The following CDKL5 variants were observed in gnomAD, a reference collection of about 807,000 sequenced individuals.
CDKL5 encodes cyclin-dependent kinase-like 5.
In CDKL5, 8 loss-of-function variants were observed where a neutral mutation model predicts 61.7. The observed-to-expected ratio is 0.13, with a 90% CI of 0.08 to 0.23. The LOEUF is 0.23. CDKL5 is among the 10% of genes least tolerant of loss of function. CDKL5 has a pLI of 1.00. For missense variants in CDKL5, 440 were observed against 734.5 expected (o/e 0.60, Z 4.63); for synonymous variants, 275 against 272.3 (o/e 1.01, Z -0.10).
At position 18,608,931 on chromosome X, in the gene CDKL5, T is replaced by C; in HGVS notation, c.2046+19T>C. ...GTCTGAGGTATGTCACAATAAAATA[T>C]GCCTGTAAACATTTGTTCAACATCA... On this transcript the variant is annotated intron_variant, in intron 13 of 17. Coordinates refer to ENST00000623535, the MANE Select transcript of CDKL5 (RefSeq NM_001323289.2). 4 of 1,022,777 alleles carry C rather than the reference T, an allele frequency of 3.9e-6. No individual in the cohort carries two copies. The highest frequency in any genetic ancestry group is 4.1e-6 in the Non-Finnish European group (3 of 723,269). The allele number at this position is 1,022,777 out of a possible 1,213,427, so 84.3% of individuals were successfully genotyped here. A position where few individuals can be genotyped will look rare whatever the true frequency, so the allele number is the denominator to read the frequency against.
intron 5 of CDKL5, among the ~76,000 whole-genome samples, chrX:18,577,121 A>T (rs777510845): frequency 2.7e-5 from 3 of 111,750 alleles, no homozygotes; most frequent in African/African-American, 9.7e-5. Flanking sequence ...ACTACCAAAT[A>T]AGAAAATTTT....
intron 1 of CDKL5, among the ~76,000 whole-genome samples, chrX:18,498,777 A>G (rs1364649824): frequency 1.8e-5 from 2 of 111,335 alleles, no homozygotes; most frequent in Non-Finnish European, 3.8e-5. Flanking sequence ...AGTCCTTGTA[A>G]TTTATTTTAT....
chrX:18,556,973 A>T (rs1163636997), intron 3 of CDKL5, among the ~76,000 whole-genome samples: 3 of 109,722 alleles, frequency 2.7e-5, no homozygotes, highest in Non-Finnish European at 5.7e-5. Context: ...CTGTGTTTGT[A>T]GGGTTTTACT....
rs950891747 is a variant in CDKL5, at chrX:18,630,191, G to A, written c.*1434G>A. ...CAAGATTTTCATGCACACCTGTTAC[G>A]CACACAACCCCCATCAGAACAGGAC... On this transcript the variant is annotated 3_prime_UTR_variant, in exon 18 of 18. Coordinates refer to ENST00000623535, the MANE Select transcript of CDKL5 (RefSeq NM_001323289.2). 2.8e-5 allele frequency: 21 copies of A among 750,577 alleles called. No homozygotes were observed. In the South Asian group the frequency reaches 5.5e-4, roughly 20 times the overall value. The allele number at this position is 750,577 out of a possible 1,213,427, so 61.9% of individuals were successfully genotyped here. A position where few individuals can be genotyped will look rare whatever the true frequency, so the allele number is the denominator to read the frequency against.
At chrX:18,557,049 G>A (rs780627340) in intron 3 of CDKL5, among the ~76,000 whole-genome samples, 239 of 111,181 alleles carry the variant, frequency 2.1e-3, no homozygotes, top group African/African-American at 7.2e-3. Flanking sequence ...AAATACTTTA[G>A]TTATGAAGTT....
chrX:18,464,968 A>G (rs1015969551), intron 1 of CDKL5, among the ~76,000 whole-genome samples: 1 of 111,961 alleles, frequency 8.9e-6, no homozygotes, highest in Admixed American at 9.5e-5. Context: ...AGTCCAGTTT[A>G]TCTGTCTTTT....
At chrX:18,648,434 A>AT (rs1010790115) in intron 20 of CDKL5, among the ~76,000 whole-genome samples, 1 of 109,128 alleles carries the variant, frequency 9.2e-6, no homozygotes, top group Non-Finnish European at 1.9e-5. Flanking sequence ...TAGAGACAGG[A>AT]TTTTGCCATG....
At chrX:18,645,264 C>T (rs956432303) in intron 19 of CDKL5, among the ~76,000 whole-genome samples, 1 of 111,566 alleles carries the variant, frequency 9.0e-6, no homozygotes, top group Non-Finnish European at 1.9e-5. Flanking sequence ...AAGCCCTGGG[C>T]CACCTTCTCT....
chrX:18,646,541 A>G (rs1927780460), intron 20 of CDKL5, among the ~76,000 whole-genome samples: 1 of 112,492 alleles, frequency 8.9e-6, no homozygotes, highest in African/African-American at 3.2e-5. Context: ...CAGCATGAAC[A>G]TGTATGCTAA....
intron 21 of CDKL5, among the ~76,000 whole-genome samples, chrX:18,651,964 A>G (rs1928067875): frequency 9.2e-6 from 1 of 108,288 alleles, no homozygotes; most frequent in Non-Finnish European, 1.9e-5. Flanking sequence ...CTGGCCCCCC[A>G]TGCCTCAGCC....
intron 10 of CDKL5, among the ~76,000 whole-genome samples, chrX:18,598,036 C>G (rs1206681607): frequency 9.0e-6 from 1 of 111,501 alleles, no homozygotes; most frequent in Non-Finnish European, 1.9e-5. Flanking sequence ...GCCTAAGAAA[C>G]TGGTAACCTA....
In CDKL5 at chrX:18,484,974, A is replaced by C. The variant is rs1274078305; in HGVS notation, c.-162-21961A>C. On this transcript the variant is annotated intron_variant, in intron 1 of 17. Transcript: ENST00000623535. ...GGGTCTCGCCATGTTGCCCATAATA[A>C]ATAACAACTAAGACCTCATAGTTGT... Among the ~76,000 whole-genome samples the C allele has an allele frequency of 3.6e-5, 4 of 110,883 alleles. No individual in the cohort carries two copies. The Admixed American group carries it at 3.9e-4, about 11-fold the overall frequency.
At chrX:18,517,500 C>T (rs1024742910) in intron 3 of CDKL5, among the ~76,000 whole-genome samples, 3 of 111,558 alleles carry the variant, frequency 2.7e-5, no homozygotes, top group African/African-American at 6.5e-5. Flanking sequence ...AAGAAGAGAA[C>T]ATCTCTTCTG....
intron 3 of CDKL5, among the ~76,000 whole-genome samples, chrX:18,530,853 C>T (rs1453444969): frequency 9.0e-6 from 1 of 111,642 alleles, no homozygotes; most frequent in African/African-American, 3.3e-5. Context: ...GTATAGATGC[C>T]AGAGGCTTCA....
At chrX:18,426,383 C>G (rs1160970291) in intron 1 of CDKL5, 1 of 112,823 alleles carries the variant, frequency 8.9e-6, no homozygotes, top group Non-Finnish European at 1.9e-5. Context: ...GATTTGGAAC[C>G]GTCTCCCAGA....
intron 1 of CDKL5, among the ~76,000 whole-genome samples, chrX:18,479,314 CTTTTTTTTTTTT>C (rs761687087): frequency 6.0e-5 from 4 of 66,556 alleles, no homozygotes; most frequent in African/African-American, 1.8e-4. Flanking sequence ...GCCACTATTT[CTTTTTTTTTTTT>C]TTTTTTTTTT....
intron 3 of CDKL5, among the ~76,000 whole-genome samples, chrX:18,564,040 T>C (rs764830227): frequency 1.8e-5 from 2 of 111,732 alleles, no homozygotes; most frequent in African/African-American, 3.3e-5. Context: ...AAATTAGATA[T>C]GCTTGTTAGC....
At chrX:18,519,647 G>GAGACGCACATT (rs1923175079) in intron 3 of CDKL5, among the ~76,000 whole-genome samples, 1 of 111,432 alleles carries the variant, frequency 9.0e-6, no homozygotes, top group Admixed American at 9.6e-5. Flanking sequence ...GACGCATATA[G>GAGACGCACATT]TCTATTTACC....
intron 1 of CDKL5, among the ~76,000 whole-genome samples, chrX:18,486,767 T>C: frequency 9.0e-6 from 1 of 111,646 alleles, no homozygotes; most frequent in Non-Finnish European, 1.9e-5. Context: ...TTGTTGAAAC[T>C]CTTTTGAGGA....
Sources: allele counts gnomAD v4.1 joint callset (sites outside exome capture counted in the v4.1 genomes callset), GRCh38; gene constraint gnomAD v4.1.1; transcripts MANE v1.5; gene names NCBI Gene and HGNC (gene_info 2026-07-23, HGNC 2026-07-21).